Variants in CDH1 observed in about 807,000 individuals in gnomAD.
The protein encoded by CDH1 is cadherin-1.
Under a neutral mutation model 84.5 loss-of-function variants are expected in CDH1, and 35 were observed. That is an observed-to-expected ratio of 0.41 (90% confidence interval 0.32 to 0.55). The LOEUF is 0.55. Ranked by LOEUF, CDH1 falls within the 20% of genes least tolerant of loss-of-function variation. The pLI, the probability that CDH1 is intolerant of heterozygous loss-of-function variation, is 0.19. For synonymous variants in CDH1, 417 were observed against 439.0 expected, an observed-to-expected ratio of 0.95 and a Z score of 0.63; for missense variants, 994 against 1,126.6, an observed-to-expected ratio of 0.88 and a Z score of 1.68.
At chr16:68,815,433 G>A (rs759469789) in intron 9 of CDH1, 82 bp from the exon 10 acceptor site, 15 of 1,571,250 alleles carry the variant, frequency 9.5e-6, no homozygotes, top group Non-Finnish European at 1.3e-5. Flanking sequence ...ATTACCAAAA[G>A]CAACAGTTAA....
chr16:68,769,033 C>T (rs12930371), intron 2 of CDH1, among the ~76,000 whole-genome samples: 43,008 of 151,966 alleles, frequency 0.28, 6,206 homozygotes, highest in Middle Eastern at 0.33. Context: ...ACCCTTGTCA[C>T]TGTACCGCCT....
intron 2 of CDH1, among the ~76,000 whole-genome samples, chr16:68,783,476 G>T (rs1288674190): frequency 2.0e-5 from 3 of 152,090 alleles, no homozygotes; most frequent in Middle Eastern, 3.4e-3. Flanking sequence ...AATTTAAATG[G>T]TACCTAAGAG....
At chr16:68,782,257 G>A (rs1267300791) in intron 2 of CDH1, among the ~76,000 whole-genome samples, 1 of 152,156 alleles carries the variant, frequency 6.6e-6, no homozygotes, top group Non-Finnish European at 1.5e-5. Context: ...ACCCTACAGG[G>A]AAGGCCCTGG....
At chr16:68,755,485 A>G (rs1962995635) in intron 2 of CDH1, among the ~76,000 whole-genome samples, 1 of 151,768 alleles carries the variant, frequency 6.6e-6, no homozygotes, top group Admixed American at 6.6e-5. Flanking sequence ...AGCTTAAGCA[A>G]TACCCCCGCC....
In CDH1 at chr16:68,809,055, G is replaced by T. The variant is rs547041885; in HGVS notation, c.687+207G>T. The stretch of plus-strand genomic sequence containing the variant: ...TTTCTCCTTGTCAGGAAGAAAGGAA[G>T]GAGAATCCGCATGCATCCTCATACA... On this transcript the variant is annotated intron_variant, in intron 5 of 15. Coordinates refer to ENST00000261769, the MANE Select transcript of CDH1 (RefSeq NM_004360.5). 3 of 594,786 alleles carry T rather than the reference G, an allele frequency of 5.0e-6. No homozygotes were observed. In the South Asian group the frequency reaches 5.8e-5, roughly 12 times the overall value. 36.8% of individuals were successfully genotyped at this position (594,786 alleles called of 1,614,324 possible).
chr16:68,815,886 A>AT (rs1165630396), intron 10 of CDH1, 127 bp downstream of exon 10: 3 of 1,160,260 alleles, frequency 2.6e-6, no homozygotes, highest in Non-Finnish European at 3.7e-6. Flanking sequence ...CTCTTAATTT[A>AT]TTTTTTATTC....
chr16:68,758,089 C>T (rs986599081), intron 2 of CDH1, among the ~76,000 whole-genome samples: 6 of 150,012 alleles, frequency 4.0e-5, no homozygotes, highest in African/African-American at 1.2e-4. Flanking sequence ...GCTGGGATTA[C>T]GGATGTGAGT....
At chr16:68,794,418 G>A (rs1047094661) in intron 2 of CDH1, among the ~76,000 whole-genome samples, 1 of 152,102 alleles carries the variant, frequency 6.6e-6, no homozygotes, top group Non-Finnish European at 1.5e-5. Flanking sequence ...GTTCCTGGTG[G>A]AACTTGAATG....
At chr16:68,821,059 G>C (rs548881443) in intron 11 of CDH1, among the ~76,000 whole-genome samples, 1 of 152,150 alleles carries the variant, frequency 6.6e-6, no homozygotes, top group Non-Finnish European at 1.5e-5. Flanking sequence ...GTTTGAGATG[G>C]ATTCTTCTGT....
At chr16:68,755,856 C>T (rs937397399) in intron 2 of CDH1, among the ~76,000 whole-genome samples, 2 of 151,678 alleles carry the variant, frequency 1.3e-5, no homozygotes, top group South Asian at 2.1e-4. Context: ...CTCTGCCTCC[C>T]GGGTTCAAGC....
chr16:68,781,207 G>T (rs2152121990), intron 2 of CDH1, among the ~76,000 whole-genome samples: 1 of 152,288 alleles, frequency 6.6e-6, no homozygotes, highest in East Asian at 1.9e-4. Context: ...TTTATCTGCA[G>T]GTCAGAGGGT....
chr16:68,738,281 C>T lies in CDH1; in HGVS notation c.49-16C>T, dbSNP rs1057517618. On this transcript the variant is annotated splice_polypyrimidine_tract_variant and intron_variant, in intron 1 of 15. Coordinates refer to ENST00000261769, the MANE Select transcript of CDH1 (RefSeq NM_004360.5). ...CTCCGAGTCACCCGGTTCCATCTAC[C>T]TTTCCCCCACCCCAGGTCTCCTCTT... 5.9e-6 allele frequency: 9 copies of T among 1,515,018 alleles called. No individual in the cohort carries two copies. In the East Asian group the frequency reaches 7.3e-5, roughly 12 times the overall value. 93.8% of individuals were successfully genotyped at this position (1,515,018 alleles called of 1,614,324 possible). A position where few individuals can be genotyped will look rare whatever the true frequency, so the allele number is the denominator to read the frequency against.
At chr16:68,788,113 C>T (rs937540674) in intron 2 of CDH1, among the ~76,000 whole-genome samples, 1 of 152,156 alleles carries the variant, frequency 6.6e-6, no homozygotes, top group African/African-American at 2.4e-5. Context: ...AGGTGTGAGC[C>T]ACCGCACCCA....
intron 2 of CDH1, among the ~76,000 whole-genome samples, chr16:68,743,411 T>C (rs1273497388): frequency 1.3e-5 from 2 of 151,430 alleles, no homozygotes; most frequent in Non-Finnish European, 2.9e-5. Flanking sequence ...TCGCTCAGGC[T>C]GGAGTGTAGA....
chr16:68,745,549 A>AAAAATAAATATATATATGT (rs1555510453), intron 2 of CDH1, among the ~76,000 whole-genome samples: 1 of 75,182 alleles, frequency 1.3e-5, no homozygotes, highest in Non-Finnish European at 2.4e-5. Flanking sequence ...AAAAAAAAAA[A>AAAAATAAATATATATATGT]ATATATATAT....
At chr16:68,828,597 G>T (rs912964326) in intron 14 of CDH1, among the ~76,000 whole-genome samples, 1 of 152,182 alleles carries the variant, frequency 6.6e-6, no homozygotes, top group Non-Finnish European at 1.5e-5. Context: ...AGGGCTAAAT[G>T]GTCTGTCTCA....
At chr16:68,799,756 G>T (rs1960448105) in intron 2 of CDH1, among the ~76,000 whole-genome samples, 1 of 152,108 alleles carries the variant, frequency 6.6e-6, no homozygotes, top group Admixed American at 6.6e-5. Flanking sequence ...GCTCATTCAT[G>T]TAATCCCAGC....
rs1322242543 is a variant in CDH1 at position 68,815,511 on chromosome 16, C to T, written c.1321-4C>T. 6.2e-7 allele frequency: 1 copy of T among 1,614,064 alleles called. No individual in the cohort carries two copies. Among genetic ancestry groups the T allele is most frequent in the East Asian group, 2.2e-5 (1 of 44,898 alleles). Reference sequence around the variant, plus strand: ...TTTTTAACTTCATTGTTTCTGCTCTCTAGGGCTTGGATTTTGAGGCCAAGC... The same window carrying T: ...TTTTTAACTTCATTGTTTCTGCTCTTTAGGGCTTGGATTTTGAGGCCAAGC... On this transcript the variant is annotated splice_region_variant and splice_polypyrimidine_tract_variant and intron_variant, in intron 9 of 15. Coordinates refer to ENST00000261769, the MANE Select transcript of CDH1 (RefSeq NM_004360.5).
chr16:68,757,967 CTT>C (rs58385798), intron 2 of CDH1, among the ~76,000 whole-genome samples: 124 of 113,340 alleles, frequency 1.1e-3, no homozygotes, highest in African/African-American at 3.0e-3. Flanking sequence ...CCAGGCTAAT[CTT>C]TTTTTTTTTT....
Sources: gnomAD v4.1 joint callset for allele counts (sites outside exome capture counted in the v4.1 genomes callset) on GRCh38, gnomAD v4.1.1 for gene constraint, MANE v1.5 for transcripts, NCBI Gene and HGNC (gene_info 2026-07-23, HGNC 2026-07-21) for gene names.